Variants in CSMD1 observed in about 807,000 individuals in gnomAD.
CSMD1 encodes the protein CUB and Sushi multiple domains 1.
A neutral mutation model predicts 417.5 loss-of-function variants in CSMD1; 213 were observed. The observed-to-expected ratio is 0.51, with a 90% CI of 0.46 to 0.57. CSMD1 has a LOEUF of 0.57. CSMD1 is among the 20% of genes least tolerant of loss of function. The pLI is 0.00. For synonymous variants in CSMD1, 2,862 were observed against 1,736.8 expected (o/e 1.65, Z -16.11); for missense variants, 6,923 against 4,529.7 (o/e 1.53, Z -15.17).
intron 3 of CSMD1, among the ~76,000 whole-genome samples, chr8:4,337,012 T>C (rs544615498): frequency 2.0e-5 from 3 of 152,256 alleles, no homozygotes; most frequent in Admixed American, 2.0e-4. Context: ...CTGGCCTGCT[T>C]ACTAAATCTG....
chr8:4,339,527 C>T (rs1368483170), intron 3 of CSMD1, among the ~76,000 whole-genome samples: 3 of 152,036 alleles, frequency 2.0e-5, no homozygotes, highest in South Asian at 4.1e-4. Flanking sequence ...CAATTTCAGT[C>T]CTACATTTCT....
intron 6 of CSMD1, among the ~76,000 whole-genome samples, chr8:3,726,912 A>G (rs945095571): frequency 6.6e-6 from 1 of 152,250 alleles, no homozygotes; most frequent in African/African-American, 2.4e-5. Flanking sequence ...TCTGTTTAGC[A>G]TCATACACAG....
chr8:3,714,465 G>A (rs558517095), intron 6 of CSMD1, among the ~76,000 whole-genome samples: 4 of 148,492 alleles, frequency 2.7e-5, no homozygotes, highest in African/African-American at 7.4e-5. Context: ...GTTCACATCT[G>A]TAATCCCAGC....
At chr8:3,631,277 T>C (rs1483980386) in intron 7 of CSMD1, among the ~76,000 whole-genome samples, 1 of 152,186 alleles carries the variant, frequency 6.6e-6, no homozygotes, top group Non-Finnish European at 1.5e-5. Context: ...CTTCCAACTA[T>C]CATGTAGGCC....
intron 3 of CSMD1, among the ~76,000 whole-genome samples, chr8:4,327,998 T>C (rs994983940): frequency 2.0e-5 from 3 of 152,204 alleles, no homozygotes; most frequent in Non-Finnish European, 2.9e-5. Context: ...CAGTAAACTT[T>C]ATTCATTTGG....
rs553862812 is a variant in CSMD1, at chr8:4,169,240, T to C, written c.416-137141A>G. Among the ~76,000 whole-genome samples, 3 of 152,272 alleles carry C rather than the reference T, an allele frequency of 2.0e-5. No individual in the cohort carries two copies. The South Asian group carries it at 6.2e-4, about 32-fold the overall frequency. ...GAGCAAAGTCCAGCAGTGTTCTCAA[T>C]ACTGCACACAGATGTCTGATGGGTG... On this transcript the variant is annotated intron_variant, in intron 3 of 69. Transcript: ENST00000635120.
intron 3 of CSMD1, among the ~76,000 whole-genome samples, chr8:4,265,925 C>T (rs1301122091): frequency 3.9e-5 from 4 of 103,772 alleles, no homozygotes; most frequent in African/African-American, 1.1e-4. Context: ...AAATAGATTT[C>T]CCCCCATTGC....
chr8:3,087,067 C>A (rs879039240), intron 49 of CSMD1, 30 bp downstream of exon 49: 4 of 1,588,442 alleles, frequency 2.5e-6, no homozygotes, highest in South Asian at 2.2e-5. Context: ...ACACAGGAAA[C>A]AAGGCTGGGG....
In CSMD1 at chr8:3,005,407, C is replaced by G. The variant is rs546619129; in HGVS notation, c.8030-5276G>C. Among the ~76,000 whole-genome samples, 6 of 152,292 alleles carry G rather than the reference C, an allele frequency of 3.9e-5. No individual in the cohort carries two copies. In the East Asian group the frequency reaches 1.2e-3, roughly 29 times the overall value. ...AATTAATAGAAAAAGACGGAATCCT[C>G]CCTAACTCATTTTATGAGGCCAGCA... is the stretch of plus-strand genomic sequence containing the variant. On this transcript the variant is annotated intron_variant, in intron 52 of 69. Transcript: ENST00000635120.
At chr8:3,953,155 A>T (rs1030334416) in intron 5 of CSMD1, among the ~76,000 whole-genome samples, 56 of 152,256 alleles carry the variant, frequency 3.7e-4, no homozygotes, top group African/African-American at 1.3e-3. Context: ...ATTTATAAAA[A>T]AAAATCAAAC....
intron 3 of CSMD1, among the ~76,000 whole-genome samples, chr8:4,144,093 G>C (rs551670967): frequency 1.3e-5 from 2 of 151,122 alleles, no homozygotes; most frequent in African/African-American, 4.9e-5. Context: ...ATTAACTTTA[G>C]AAAGTTTGAG....
chr8:3,541,609 G>C (rs1463367040), intron 10 of CSMD1, among the ~76,000 whole-genome samples: 2 of 148,818 alleles, frequency 1.3e-5, no homozygotes, highest in Admixed American at 6.7e-5. Context: ...TCTAAAAATG[G>C]GTCATGATTT....
chr8:3,333,433 T>C (rs1807035980), intron 23 of CSMD1, among the ~76,000 whole-genome samples: 1 of 152,206 alleles, frequency 6.6e-6, no homozygotes. Flanking sequence ...AAACAAACAC[T>C]GCTTATTGGA....
At chr8:4,834,231 G>C (rs906483606) in intron 1 of CSMD1, among the ~76,000 whole-genome samples, 1 of 152,160 alleles carries the variant, frequency 6.6e-6, no homozygotes, top group Non-Finnish European at 1.5e-5. Context: ...GGTAAGGAGA[G>C]GGAAGAAAAA....
chr8:4,814,843 T>C (rs751676543), intron 1 of CSMD1, among the ~76,000 whole-genome samples: 2 of 152,078 alleles, frequency 1.3e-5, no homozygotes, highest in African/African-American at 4.8e-5. Context: ...TACTGCGGAC[T>C]CTTAATCATT....
At chr8:3,213,145 A>T (rs545117477) in intron 30 of CSMD1, among the ~76,000 whole-genome samples, 12 of 152,204 alleles carry the variant, frequency 7.9e-5, no homozygotes, top group African/African-American at 2.4e-4. Context: ...GTAATATTTA[A>T]AATGTTTATT....
chr8:4,226,718 A>C lies in CSMD1; in HGVS notation c.415+193235T>G, dbSNP rs544288498. ...TACGTCCTCTTTAAAAAAGAAAAAA[A>C]AATGAGTTTTTAATAATCAGTTAAC... On this transcript the variant is annotated intron_variant, in intron 3 of 69. Coordinates refer to ENST00000635120, the MANE Select transcript of CSMD1 (RefSeq NM_033225.6). 9.8e-5 allele frequency among the ~76,000 whole-genome samples: 15 copies of C among 152,352 alleles called. 1 individual carries two copies. In the South Asian group the frequency reaches 2.7e-3, roughly 27 times the overall value.
At chr8:4,106,521 C>G (rs1369038548) in intron 3 of CSMD1, among the ~76,000 whole-genome samples, 1 of 151,958 alleles carries the variant, frequency 6.6e-6, no homozygotes, top group Non-Finnish European at 1.5e-5. Context: ...TGAGAGCCTC[C>G]TATGATATTT....
At chr8:2,953,125 CAAT>C (rs1420189535) in intron 65 of CSMD1, among the ~76,000 whole-genome samples, 1 of 152,000 alleles carries the variant, frequency 6.6e-6, no homozygotes, top group African/African-American at 2.4e-5. Flanking sequence ...ACACACACAA[CAAT>C]AATAACAAAA....
Sources: gnomAD v4.1 joint callset for allele counts (sites outside exome capture counted in the v4.1 genomes callset) on GRCh38, gnomAD v4.1.1 for gene constraint, MANE v1.5 for transcripts, NCBI Gene and HGNC (gene_info 2026-07-23, HGNC 2026-07-21) for gene names.